Variants in RORA observed in about 807,000 individuals in gnomAD.
RORA encodes RAR related orphan receptor A.
RORA carries 7 observed loss-of-function variants against 69.5 expected under a neutral mutation model. That is an observed-to-expected ratio of 0.10 (90% CI 0.06 to 0.19). The LOEUF (loss-of-function observed/expected upper bound fraction) is 0.19. RORA is among the 10% of genes least tolerant of loss of function. The pLI, the probability that RORA is intolerant of heterozygous loss-of-function variation, is 1.00. For missense variants in RORA, 457 were observed against 663.0 expected (o/e 0.69, Z 3.41); for synonymous variants, 261 against 240.8 (o/e 1.08, Z -0.78).
rs1290531034 is a variant in RORA at position 60,921,190 on chromosome 15, A to G, written c.167-242504T>C. Among the ~76,000 whole-genome samples, 4 of 152,352 alleles carry G rather than the reference A, an allele frequency of 2.6e-5. No individual in the cohort carries two copies. The East Asian group carries it at 5.8e-4, about 22-fold the overall frequency. On this transcript the variant is annotated intron_variant, in intron 1 of 10. Coordinates refer to ENST00000335670, the MANE Select transcript of RORA (RefSeq NM_134261.3). ...GCAATTCCACTGCCAGGATATATCC[A>G]ACAGAAATCCATACTTATATCCACC...
intron 1 of RORA, among the ~76,000 whole-genome samples, chr15:61,137,334 C>G (rs983676232): frequency 2.6e-5 from 4 of 152,204 alleles, no homozygotes; most frequent in African/African-American, 9.6e-5. Context: ...ATAGCTCTAA[C>G]TTTCATTTTC....
rs1491148975 is a variant in RORA, at chr15:61,147,794, T to TGTGTGTGTGTGTGTGTGA, written c.166+81258_166+81259insTCACACACACACACACAC. Among the ~76,000 whole-genome samples, 25 of 151,168 alleles carry TGTGTGTGTGTGTGTGTGA rather than the reference T, an allele frequency of 1.7e-4. 1 individual carries two copies. The South Asian group carries it at 4.4e-3, about 27-fold the overall frequency. ...GTGTGTGTGTGTGTGTGTGTGTGTG[T>TGTGTGTGTGTGTGTGTGA]GAAATCTTTAGGTTTTTTTACCTGC... On this transcript the variant is annotated intron_variant, in intron 1 of 10. Transcript: ENST00000335670. The surrounding 1 kb of genome is among the most constrained non-coding windows in gnomAD (Gnocchi z 4.1).
intron 1 of RORA, among the ~76,000 whole-genome samples, chr15:61,146,747 T>A (rs1025422897): frequency 6.6e-6 from 1 of 152,168 alleles, no homozygotes; most frequent in Admixed American, 6.5e-5. Flanking sequence ...TTACACAAGA[T>A]ATTAAGTCAA....
At chr15:60,798,125 T>G (rs966604199) in intron 1 of RORA, among the ~76,000 whole-genome samples, 1 of 149,124 alleles carries the variant, frequency 6.7e-6, no homozygotes, top group Non-Finnish European at 1.5e-5. Flanking sequence ...TTAATTATTA[T>G]ACATGAGAAA....
At chr15:60,858,994 TTC>T (rs2073409824) in intron 1 of RORA, among the ~76,000 whole-genome samples, 1 of 152,110 alleles carries the variant, frequency 6.6e-6, no homozygotes, top group Non-Finnish European at 1.5e-5. Flanking sequence ...TTTTTTTTTT[TTC>T]CTGGGGGCTT....
rs913131575 is a variant in RORA at position 61,135,148 on chromosome 15, A to T, written c.166+93905T>A. 3.4e-3 allele frequency among the ~76,000 whole-genome samples: 448 copies of T among 131,574 alleles called. 3 individuals are homozygous for T. Among genetic ancestry groups the T allele is most frequent in the African/African-American group, 0.014 (411 of 30,184 alleles). The allele number at this position is 131,574 out of a possible 152,430, so 86.3% of individuals were successfully genotyped here. A position where few individuals can be genotyped will look rare whatever the true frequency, so the allele number is the denominator to read the frequency against. ...CATGGTGAAACCCCATCTCTTACTA[A>T]AAAAAAAAAAAAAAAAAAAAAAATC... On this transcript the variant is annotated intron_variant, in intron 1 of 10. Transcript: ENST00000335670.
At chr15:61,049,733 C>T (rs1897212094) in intron 1 of RORA, among the ~76,000 whole-genome samples, 1 of 152,140 alleles carries the variant, frequency 6.6e-6, no homozygotes, top group African/African-American at 2.4e-5. Flanking sequence ...GATCTCAGCT[C>T]ACTGCAACCT....
chr15:60,889,369 A>C (rs2073788620), intron 1 of RORA, among the ~76,000 whole-genome samples: 1 of 151,298 alleles, frequency 6.6e-6, no homozygotes, highest in African/African-American at 2.4e-5. Context: ...GGGGAAGGAA[A>C]TCCCCCCTTC....
rs939732828 is a variant in RORA, at chr15:60,864,151, G to T, written c.167-185465C>A. ...TTGTAGGAGGAGGCGGACAACTGGG[G>T]TGGCATGGTGGGGGTGGTTTAAGTG... On this transcript the variant is annotated intron_variant, in intron 1 of 10. Coordinates refer to ENST00000335670, the MANE Select transcript of RORA (RefSeq NM_134261.3). 3.7e-4 allele frequency among the ~76,000 whole-genome samples: 56 copies of T among 152,298 alleles called. 1 individual carries two copies. The highest frequency in any genetic ancestry group is 1.3e-3 in the African/African-American group (55 of 41,548).
Position 60,511,216 on chromosome 15 carries a change from A to G in RORA, c.820+10T>C, listed in dbSNP as rs1303575178. 1.2e-6 allele frequency: 2 copies of G among 1,605,114 alleles called. No individual in the cohort carries two copies. The highest frequency in any genetic ancestry group is 2.2e-5 in the East Asian group (1 of 44,828). ...ATAGAGCATCCCAGGAGAAGCATGC[A>G]TGCCATTACCTAATTCTGCCATGGA... is the stretch of plus-strand genomic sequence containing the variant. On this transcript the variant is annotated intron_variant, in intron 5 of 10. Transcript: ENST00000335670. This position sits in a 1 kb window ranked among gnomAD's most constrained non-coding sequence, Gnocchi z 6.4.
chr15:60,782,943 G>A (rs1595711448), intron 1 of RORA, among the ~76,000 whole-genome samples: 1 of 152,186 alleles, frequency 6.6e-6, no homozygotes. Flanking sequence ...TTATAAAGAT[G>A]TGCATATCCC....
chr15:60,947,147 G>A (rs1201251990), intron 1 of RORA, among the ~76,000 whole-genome samples: 1 of 152,096 alleles, frequency 6.6e-6, no homozygotes, highest in Non-Finnish European at 1.5e-5. Flanking sequence ...CCCCTTCTGG[G>A]AAGTGAGGAG....
Position 60,905,590 on chromosome 15 carries a change from A to C in RORA, c.167-226904T>G, listed in dbSNP as rs942059071. Among the ~76,000 whole-genome samples, 4 of 152,234 alleles carry C rather than the reference A, an allele frequency of 2.6e-5. No individual in the cohort carries two copies. The highest frequency in any genetic ancestry group is 4.4e-5 in the Non-Finnish European group (3 of 68,046). On this transcript the variant is annotated intron_variant, in intron 1 of 10. Transcript: ENST00000335670. This position sits in a 1 kb window ranked among gnomAD's most constrained non-coding sequence, Gnocchi z 4.8. ...TAGGTCTGAGGCAAGGGGTAGCATAACTATTATTTCAATTAATAAATAGCT... is the reference window on the plus strand; with the variant it reads ...TAGGTCTGAGGCAAGGGGTAGCATACCTATTATTTCAATTAATAAATAGCT...
At chr15:61,083,662 T>C (rs1786907185) in intron 1 of RORA, among the ~76,000 whole-genome samples, 1 of 151,672 alleles carries the variant, frequency 6.6e-6, no homozygotes, top group South Asian at 2.1e-4. Flanking sequence ...AGGGGAAAAT[T>C]AGGAAAGGGA....
At chr15:60,685,942 CAAT>C (rs1175474722) in intron 1 of RORA, among the ~76,000 whole-genome samples, 2 of 152,010 alleles carry the variant, frequency 1.3e-5, no homozygotes, top group African/African-American at 4.8e-5. Flanking sequence ...GCTGTTTCGG[CAAT>C]AATATTTCAG....
chr15:61,179,935 G>A (rs995971821), intron 1 of RORA, among the ~76,000 whole-genome samples: 33 of 150,964 alleles, frequency 2.2e-4, no homozygotes, highest in African/African-American at 6.1e-4. Flanking sequence ...TCAGGAGTTC[G>A]AGACCAGCCT....
intron 2 of RORA, among the ~76,000 whole-genome samples, chr15:60,536,814 C>T (rs755262427): frequency 3.9e-5 from 6 of 152,202 alleles, no homozygotes; most frequent in Non-Finnish European, 7.4e-5. Context: ...CTTGCAAAAA[C>T]GGTCAAAAAC....
At chr15:60,558,389 A>T (rs1252433996) in intron 2 of RORA, 3 of 825,962 alleles carry the variant, frequency 3.6e-6, no homozygotes, top group Non-Finnish European at 6.0e-6. Context: ...ATTACAAAAC[A>T]GGAACATCTC....
intron 1 of RORA, among the ~76,000 whole-genome samples, chr15:60,927,010 G>A (rs1266243748): frequency 6.6e-6 from 1 of 152,186 alleles, no homozygotes; most frequent in African/African-American, 2.4e-5. Flanking sequence ...CATGATAAGT[G>A]TGTTGTTGAT....
Sources: allele counts gnomAD v4.1 joint callset (sites outside exome capture counted in the v4.1 genomes callset), GRCh38; gene constraint gnomAD v4.1.1; non-coding constraint Gnocchi (gnomAD v3.1); transcripts MANE v1.5; gene names NCBI Gene and HGNC (gene_info 2026-07-23, HGNC 2026-07-21).